LRRTM4: variants seen among roughly 807,000 people sequenced by gnomAD.
The protein encoded by LRRTM4 is leucine rich repeat transmembrane neuronal 4, also known as leucine-rich repeat transmembrane neuronal protein 4.
A neutral mutation model predicts 47.6 loss-of-function variants in LRRTM4; 25 were observed. That is an observed-to-expected ratio of 0.53 (90% CI 0.38 to 0.73). The LOEUF (loss-of-function observed/expected upper bound fraction) is 0.73. Ranked by LOEUF, LRRTM4 falls within the 30% of genes least tolerant of loss-of-function variation. LRRTM4 has a pLI of 0.00. For synonymous variants in LRRTM4, 311 were observed against 269.5 expected, an observed-to-expected ratio of 1.15 and a Z score of -1.51; for missense variants, 638 against 713.4, an observed-to-expected ratio of 0.89 and a Z score of 1.20.
At chr2:76,853,229 A>T (rs902025639) in intron 3 of LRRTM4, among the ~76,000 whole-genome samples, 1 of 152,160 alleles carries the variant, frequency 6.6e-6, no homozygotes, top group Non-Finnish European at 1.5e-5. Context: ...TATTGTCGCT[A>T]TCATAGCTGT....
intron 3 of LRRTM4, among the ~76,000 whole-genome samples, chr2:77,037,668 TG>T (rs1429292987): frequency 6.6e-6 from 1 of 151,746 alleles, no homozygotes; most frequent in African/African-American, 2.4e-5. Context: ...ATTTAAAATG[TG>T]TCTTAAAGAG....
intron 3 of LRRTM4, among the ~76,000 whole-genome samples, chr2:77,364,153 G>T (rs1169218140): frequency 1.3e-5 from 2 of 150,568 alleles, no homozygotes; most frequent in Non-Finnish European, 3.0e-5. Flanking sequence ...ACAAGTTCTT[G>T]TTTATCCCTC....
At chr2:76,822,410 G>A (rs1671078311) in intron 3 of LRRTM4, among the ~76,000 whole-genome samples, 1 of 151,196 alleles carries the variant, frequency 6.6e-6, no homozygotes, top group Non-Finnish European at 1.5e-5. Flanking sequence ...TCAAAAAGAG[G>A]ACAAGAGAGT....
intron 3 of LRRTM4, among the ~76,000 whole-genome samples, chr2:77,184,373 C>A (rs1204907690): frequency 6.6e-6 from 1 of 152,042 alleles, no homozygotes; most frequent in Non-Finnish European, 1.5e-5. Flanking sequence ...AGCAACTAGG[C>A]TCATGCCCAT....
At chr2:76,992,800 G>A (rs1053796273) in intron 3 of LRRTM4, among the ~76,000 whole-genome samples, 6 of 143,860 alleles carry the variant, frequency 4.2e-5, no homozygotes, top group African/African-American at 1.3e-4. Flanking sequence ...GAATAAAAAT[G>A]AACCAAGATA....
intron 3 of LRRTM4, among the ~76,000 whole-genome samples, chr2:77,501,359 T>A (rs1361856329): frequency 6.6e-6 from 1 of 150,688 alleles, no homozygotes; most frequent in African/African-American, 2.4e-5. Flanking sequence ...ACGCATAACA[T>A]ATAAATATAA....
intron 3 of LRRTM4, among the ~76,000 whole-genome samples, chr2:77,302,502 G>A (rs112429324): frequency 1.3e-5 from 2 of 152,222 alleles, no homozygotes; most frequent in South Asian, 2.1e-4. Flanking sequence ...AAATATCACA[G>A]GGTTGCAAGT....
At chr2:76,780,734 T>G (rs1334836954) in intron 3 of LRRTM4, among the ~76,000 whole-genome samples, 2 of 152,148 alleles carry the variant, frequency 1.3e-5, no homozygotes, top group East Asian at 1.9e-4. Context: ...GTAATTTGAT[T>G]GTCTGAAGTC....
In LRRTM4 at chr2:77,026,262, T is replaced by A. The variant is rs148826156; in HGVS notation, c.1552-277346A>T. The stretch of plus-strand genomic sequence containing the variant: ...TTTGAAGCACTTTACATGCATCATG[T>A]CAATCAATCCTCATGAAAACCCCAG... On this transcript the variant is annotated intron_variant, in intron 3 of 3. Coordinates refer to ENST00000409884, the MANE Select transcript of LRRTM4 (RefSeq NM_001134745.3). Among the ~76,000 whole-genome samples, 715 of 152,242 alleles carry A rather than the reference T, an allele frequency of 4.7e-3. 3 individuals carry two copies. The highest frequency in any genetic ancestry group is 0.016 in the African/African-American group (661 of 41,560).
chr2:76,938,921 G>C (rs1048712027), intron 3 of LRRTM4, among the ~76,000 whole-genome samples: 1 of 151,974 alleles, frequency 6.6e-6, no homozygotes, highest in Non-Finnish European at 1.5e-5. Flanking sequence ...AGTCTTATGA[G>C]ATTTCAAACA....
chr2:76,898,010 C>A (rs958296811), intron 3 of LRRTM4, among the ~76,000 whole-genome samples: 1 of 152,124 alleles, frequency 6.6e-6, no homozygotes, highest in African/African-American at 2.4e-5. Flanking sequence ...GCAGTCCTAA[C>A]AGGATGGCCC....
At chr2:76,946,357 A>G (rs950940834) in intron 3 of LRRTM4, among the ~76,000 whole-genome samples, 7 of 151,938 alleles carry the variant, frequency 4.6e-5, no homozygotes, top group Admixed American at 4.6e-4. Flanking sequence ...CATTTTGCTG[A>G]CATCCCCATT....
At chr2:76,949,810 G>A (rs918627464) in intron 3 of LRRTM4, among the ~76,000 whole-genome samples, 10 of 151,864 alleles carry the variant, frequency 6.6e-5, no homozygotes, top group African/African-American at 2.4e-4. Flanking sequence ...TTTTGATGAT[G>A]ACATTAAGAA....
intron 3 of LRRTM4, among the ~76,000 whole-genome samples, chr2:77,326,125 A>C (rs1288894015): frequency 6.6e-6 from 1 of 152,192 alleles, no homozygotes; most frequent in East Asian, 1.9e-4. Context: ...AACAGATCTT[A>C]CTAAGTTGTC....
chr2:76,790,936 G>T (rs1674938925), intron 3 of LRRTM4, among the ~76,000 whole-genome samples: 2 of 152,122 alleles, frequency 1.3e-5, no homozygotes, highest in African/African-American at 2.4e-5. Context: ...TATAGTGGAA[G>T]AATGTGTTTC....
At chr2:77,295,961 G>C (rs1262825589) in intron 3 of LRRTM4, among the ~76,000 whole-genome samples, 2 of 152,148 alleles carry the variant, frequency 1.3e-5, no homozygotes, top group African/African-American at 4.8e-5. Context: ...CATTTGATTT[G>C]ATAATATAAC....
At chr2:77,498,267 C>T (rs139968647) in intron 3 of LRRTM4, among the ~76,000 whole-genome samples, 26 of 151,748 alleles carry the variant, frequency 1.7e-4, no homozygotes, top group African/African-American at 5.5e-4. Context: ...TTCTACCATC[C>T]GTGAAAATTG....
At chr2:76,842,981 A>G (rs1452536600) in intron 3 of LRRTM4, among the ~76,000 whole-genome samples, 1 of 152,206 alleles carries the variant, frequency 6.6e-6, no homozygotes, top group Non-Finnish European at 1.5e-5. Context: ...GGCAAAGAGA[A>G]ATTTATGTTT....
intron 3 of LRRTM4, among the ~76,000 whole-genome samples, chr2:76,982,678 G>A (rs2103969739): frequency 6.6e-6 from 1 of 152,042 alleles, no homozygotes; most frequent in East Asian, 2.0e-4. Flanking sequence ...ATCCATTCCG[G>A]AGCTGTACAA....
Sources: gnomAD v4.1 joint callset for allele counts (sites outside exome capture counted in the v4.1 genomes callset) on GRCh38, gnomAD v4.1.1 for gene constraint, MANE v1.5 for transcripts, NCBI Gene and HGNC (gene_info 2026-07-23, HGNC 2026-07-21) for gene names.